The following LSAMP variants were observed in gnomAD, a reference collection of about 807,000 sequenced individuals.
LSAMP encodes the protein limbic system associated membrane protein, also known as limbic system-associated membrane protein.
In LSAMP, 7 loss-of-function variants were observed where a neutral mutation model predicts 38.6. The observed-to-expected ratio is 0.18, with a 90% CI of 0.10 to 0.34. The LOEUF is 0.34. Among genes scored for constraint, LSAMP ranks in the 10% least tolerant of loss-of-function variants. The pLI, the probability that LSAMP is intolerant of heterozygous loss-of-function variation, is 1.00. For synonymous variants in LSAMP, 154 were observed against 166.8 expected (o/e 0.92, Z 0.59); for missense variants, 313 against 420.0 (o/e 0.75, Z 2.23).
intron 3 of LSAMP, among the ~76,000 whole-genome samples, chr3:115,874,167 A>T (rs926516073): frequency 1.3e-5 from 2 of 152,084 alleles, no homozygotes; most frequent in African/African-American, 4.8e-5. Flanking sequence ...GAGCTTTTAG[A>T]TTTCAGCACG....
At chr3:116,200,193 A>T (rs1357939691) in intron 1 of LSAMP, among the ~76,000 whole-genome samples, 1 of 152,148 alleles carries the variant, frequency 6.6e-6, no homozygotes, top group African/African-American at 2.4e-5. Context: ...TGAACAGTTC[A>T]TACGAAATGC....
chr3:116,127,781 T>A (rs1273721329), intron 1 of LSAMP, among the ~76,000 whole-genome samples: 1 of 151,494 alleles, frequency 6.6e-6, no homozygotes, highest in Non-Finnish European at 1.5e-5. Context: ...TTCCTTTTTT[T>A]AATAATGGGA....
chr3:116,182,583 G>A lies in LSAMP; in HGVS notation c.156-96027C>T, dbSNP rs547951178. On this transcript the variant is annotated intron_variant, in intron 1 of 6. Transcript: ENST00000490035. ...GTGTTTACATGTGGGTGAAGAAGGGGTAGATGAAAGGTTAAAGAAGATAAG... is the reference window on the plus strand; with the variant it reads ...GTGTTTACATGTGGGTGAAGAAGGGATAGATGAAAGGTTAAAGAAGATAAG... Among the ~76,000 whole-genome samples, 3 of 151,734 alleles carry A rather than the reference G, an allele frequency of 2.0e-5. No individual in the cohort carries two copies. The South Asian group carries it at 6.2e-4, about 32-fold the overall frequency.
intron 1 of LSAMP, among the ~76,000 whole-genome samples, chr3:116,434,829 G>A (rs145124089): frequency 1.8e-3 from 269 of 152,242 alleles, no homozygotes; most frequent in Middle Eastern, 3.4e-3. Context: ...GGATTACAGC[G>A]TGAGCCACTG....
chr3:116,037,755 G>T lies in LSAMP; in HGVS notation c.389-18115C>A, dbSNP rs541691742. ...TCCCATGACTATGTGGTTATACTTG[G>T]CCTAGCACACCTTTATAGTTTGTAT... On this transcript the variant is annotated intron_variant, in intron 2 of 6. Transcript: ENST00000490035. 3.3e-5 allele frequency among the ~76,000 whole-genome samples: 5 copies of T among 151,884 alleles called. No individual in the cohort carries two copies. In the South Asian group the frequency reaches 1.0e-3, roughly 32 times the overall value.
At chr3:115,819,710 TA>T (rs1211167883) in intron 6 of LSAMP, among the ~76,000 whole-genome samples, 2 of 152,220 alleles carry the variant, frequency 1.3e-5, no homozygotes, top group East Asian at 3.8e-4. Flanking sequence ...GAAATATCTT[TA>T]AAAAGCAAAA....
At chr3:116,338,643 G>C (rs868268795) in intron 1 of LSAMP, among the ~76,000 whole-genome samples, 25 of 152,004 alleles carry the variant, frequency 1.6e-4, no homozygotes, top group African/African-American at 6.0e-4. Context: ...GGGACTGGTT[G>C]CTGCTGCAGC....
At chr3:116,408,917 T>C (rs2048934882) in intron 1 of LSAMP, among the ~76,000 whole-genome samples, 1 of 152,078 alleles carries the variant, frequency 6.6e-6, no homozygotes, top group African/African-American at 2.4e-5. Context: ...GTCCAGTGCC[T>C]ACCCATGCGG....
chr3:115,842,558 AT>A lies in LSAMP; in HGVS notation c.669del (p.Glu223AspfsTer36). 6.2e-7 allele frequency: 1 copy of A among 1,613,558 alleles called. No individual in the cohort carries two copies. On this transcript the variant is annotated frameshift_variant, in exon 5 of 7. Transcript: ENST00000490035. LOFTEE classifies it high-confidence loss of function. ...CCTGTGGTGGCTTCATTGCTCTTGG[AT>A]TCTGTGATAGTGGGAGGATCTGTAG... The part of the protein sequence containing the change: ...VTVNYPPTIT[E>X]SKSNEATTGR...
At chr3:116,331,129 A>C (rs1434352457) in intron 1 of LSAMP, among the ~76,000 whole-genome samples, 1 of 152,178 alleles carries the variant, frequency 6.6e-6, no homozygotes, top group African/African-American at 2.4e-5. Context: ...TACAAGAGAA[A>C]TTCAAAGACA....
Position 116,098,360 on chromosome 3 carries a change from G to A in LSAMP, c.156-11804C>T, listed in dbSNP as rs561246805. 4.6e-5 allele frequency among the ~76,000 whole-genome samples: 7 copies of A among 152,184 alleles called. No homozygotes were observed. The East Asian group carries it at 5.9e-4, about 13-fold the overall frequency. ...GTTAAAAATTCAAAATTAGCCGGGCGTGGTGGCGCATGCCTGTAATCCCAG... is the reference window on the plus strand; with the variant it reads ...GTTAAAAATTCAAAATTAGCCGGGCATGGTGGCGCATGCCTGTAATCCCAG... On this transcript the variant is annotated intron_variant, in intron 1 of 6. Coordinates refer to ENST00000490035, the MANE Select transcript of LSAMP (RefSeq NM_002338.5).
chr3:115,822,211 G>A (rs566429070), intron 6 of LSAMP, among the ~76,000 whole-genome samples: 1 of 152,172 alleles, frequency 6.6e-6, no homozygotes, highest in African/African-American at 2.4e-5. Flanking sequence ...AATATTTCTA[G>A]AATAATGTTT....
intron 1 of LSAMP, among the ~76,000 whole-genome samples, chr3:116,270,345 A>G (rs966927612): frequency 2.0e-5 from 3 of 152,114 alleles, no homozygotes; most frequent in African/African-American, 4.8e-5. Context: ...CAGAGTTAAC[A>G]TCCTTCTGCC....
intron 1 of LSAMP, among the ~76,000 whole-genome samples, chr3:116,269,963 A>ATGGGGG (rs546295065): frequency 1.2e-3 from 189 of 152,274 alleles, no homozygotes; most frequent in African/African-American, 4.5e-3. Context: ...CTACACGCCC[A>ATGGGGG]TGGGGGCATT....
At chr3:116,161,580 T>G (rs1709888035) in intron 1 of LSAMP, among the ~76,000 whole-genome samples, 1 of 152,278 alleles carries the variant, frequency 6.6e-6, no homozygotes, top group East Asian at 1.9e-4. Flanking sequence ...GAAATGGCTA[T>G]GTTGTAGGCT....
intron 1 of LSAMP, among the ~76,000 whole-genome samples, chr3:116,387,031 G>T (rs1379722162): frequency 6.6e-6 from 1 of 152,136 alleles, no homozygotes; most frequent in African/African-American, 2.4e-5. Flanking sequence ...GGACAACAGT[G>T]GCAATTACAT....
At chr3:115,955,621 A>AG (rs34969284) in intron 3 of LSAMP, among the ~76,000 whole-genome samples, 37,254 of 152,128 alleles carry the variant, frequency 0.24, 5,211 homozygotes, top group East Asian at 0.52. Context: ...TGGGTAAAGA[A>AG]GGGTCTGCTA....
intron 1 of LSAMP, among the ~76,000 whole-genome samples, chr3:116,238,550 C>T (rs2046493885): frequency 6.6e-6 from 1 of 152,142 alleles, no homozygotes; most frequent in South Asian, 2.1e-4. Flanking sequence ...GTGGCCCCAA[C>T]TTGGGTGCAA....
At chr3:116,312,748 C>G (rs16824766) in intron 1 of LSAMP, among the ~76,000 whole-genome samples, 14,496 of 152,084 alleles carry the variant, frequency 0.095, 1,215 homozygotes, top group African/African-American at 0.22. Flanking sequence ...AAGAAGCCAC[C>G]ATAATACAGC....
Sources: allele counts gnomAD v4.1 joint callset (sites outside exome capture counted in the v4.1 genomes callset), GRCh38; gene constraint gnomAD v4.1.1; transcripts MANE v1.5; gene names NCBI Gene and HGNC (gene_info 2026-07-23, HGNC 2026-07-21).